Variants in IKZF1 observed in about 807,000 individuals in gnomAD.
The protein encoded by IKZF1 is IKAROS family zinc finger 1.
IKZF1 carries 10 observed loss-of-function variants against 51.7 expected under a neutral mutation model. That is an observed-to-expected ratio of 0.19 (90% CI 0.12 to 0.33). IKZF1 has a LOEUF of 0.33. IKZF1 is among the 10% of genes least tolerant of loss of function. IKZF1 has a pLI of 1.00. For missense variants in IKZF1, 484 were observed against 707.5 expected (o/e 0.68, Z 3.58); for synonymous variants, 280 against 282.3 (o/e 0.99, Z 0.08).
intron 3 of IKZF1, among the ~76,000 whole-genome samples, chr7:50,338,446 A>G (rs1000399114): frequency 7.2e-5 from 11 of 152,202 alleles, no homozygotes; most frequent in Non-Finnish European, 1.6e-4. Flanking sequence ...AGCTCTGTGT[A>G]TAAAACAACC....
At chr7:50,303,717 A>G (rs1005032577), upstream of IKZF1, among the ~76,000 whole-genome samples, 1 of 151,896 alleles carries the variant, frequency 6.6e-6, no homozygotes, top group Non-Finnish European at 1.5e-5. The surrounding 1 kb of genome is among the most constrained non-coding windows in gnomAD (Gnocchi z 4.7). Context: ...GCTCCCAGAC[A>G]CTGGGGAAAG....
chr7:50,383,949 C>G (rs970577046), intron 5 of IKZF1, among the ~76,000 whole-genome samples: 3 of 152,234 alleles, frequency 2.0e-5, no homozygotes, highest in African/African-American at 7.2e-5. Context: ...ACTGAGCACC[C>G]CTGGGTGCCC....
At chr7:50,312,734 A>G (rs1790502393) in intron 1 of IKZF1, among the ~76,000 whole-genome samples, 1 of 152,220 alleles carries the variant, frequency 6.6e-6, no homozygotes, top group Non-Finnish European at 1.5e-5. Flanking sequence ...GTTCCTGGCC[A>G]TAAAAATAAA....
intron 2 of IKZF1, 82 bp downstream of exon 2, chr7:50,319,183 C>T (rs1194480644): frequency 1.7e-6 from 2 of 1,165,452 alleles, no homozygotes; most frequent in East Asian, 2.4e-5. Flanking sequence ...TTGGTATGCT[C>T]ATGGGGGAGG....
At chr7:50,379,253 T>A (rs1028899815) in intron 4 of IKZF1, among the ~76,000 whole-genome samples, 4 of 152,186 alleles carry the variant, frequency 2.6e-5, no homozygotes, top group African/African-American at 9.7e-5. Context: ...GGGGCTTAGG[T>A]ACGACGGGAA....
chr7:50,309,484 A>G (rs1277079404), intron 1 of IKZF1, among the ~76,000 whole-genome samples: 1 of 150,648 alleles, frequency 6.6e-6, no homozygotes, highest in Non-Finnish European at 1.5e-5. Flanking sequence ...CTTTCTTTCT[A>G]TAATTGGTGG....
chr7:50,303,813 G>T (rs990091798), upstream of IKZF1, among the ~76,000 whole-genome samples: 2 of 151,034 alleles, frequency 1.3e-5, no homozygotes, highest in Non-Finnish European at 3.0e-5. This position sits in a 1 kb window ranked among gnomAD's most constrained non-coding sequence, Gnocchi z 4.7. Flanking sequence ...CCGGGTGCAG[G>T]GTGGCGGGCC....
chr7:50,375,876 ATTT>A (rs1251848032), intron 3 of IKZF1, among the ~76,000 whole-genome samples: 2 of 152,200 alleles, frequency 1.3e-5, no homozygotes, highest in Non-Finnish European at 2.9e-5. Context: ...TTTTTATGTT[ATTT>A]AAGATAAACA....
At chr7:50,361,527 A>G (rs1349454557) in intron 3 of IKZF1, among the ~76,000 whole-genome samples, 1 of 152,194 alleles carries the variant, frequency 6.6e-6, no homozygotes, top group Non-Finnish European at 1.5e-5. Flanking sequence ...GCAGCTGAGG[A>G]AATGCTCCAA....
intron 7 of IKZF1, 53 bp from the exon 8 acceptor site, chr7:50,399,865 T>C: frequency 6.4e-7 from 1 of 1,555,082 alleles, no homozygotes; most frequent in Non-Finnish European, 8.7e-7. Context: ...CTGCCAGACC[T>C]GACCGGTTCC....
chr7:50,361,493 C>A (rs1805219617), intron 3 of IKZF1, among the ~76,000 whole-genome samples: 1 of 152,188 alleles, frequency 6.6e-6, no homozygotes, highest in African/African-American at 2.4e-5. Flanking sequence ...CGGAAGTTGG[C>A]TGACATGAAA....
intron 7 of IKZF1, among the ~76,000 whole-genome samples, chr7:50,393,348 T>C (rs1474167689): frequency 6.6e-6 from 1 of 151,750 alleles, no homozygotes; most frequent in East Asian, 1.9e-4. Context: ...CATGGGGAAA[T>C]TGTGGTGGGA....
At chr7:50,370,515 C>G (rs1236625845) in intron 3 of IKZF1, among the ~76,000 whole-genome samples, 1 of 152,198 alleles carries the variant, frequency 6.6e-6, no homozygotes. Context: ...TGGGGTCTCT[C>G]TTAGTACTGT....
intron 3 of IKZF1, among the ~76,000 whole-genome samples, chr7:50,359,022 G>A (rs768481627): frequency 6.6e-6 from 1 of 152,210 alleles, no homozygotes; most frequent in Non-Finnish European, 1.5e-5. Context: ...CACTTTGAGA[G>A]ACTGAGGTGG....
intron 7 of IKZF1, among the ~76,000 whole-genome samples, chr7:50,399,490 T>A (rs1217158717): frequency 6.6e-6 from 1 of 151,822 alleles, no homozygotes; most frequent in Admixed American, 6.6e-5. Context: ...TCTATTTTAA[T>A]TCAATAAATG....
intron 1 of IKZF1, among the ~76,000 whole-genome samples, chr7:50,316,261 A>G (rs1791507184): frequency 6.6e-6 from 1 of 152,140 alleles, no homozygotes; most frequent in Non-Finnish European, 1.5e-5. Flanking sequence ...AATTTTGGTG[A>G]ACATCACCCC....
At chr7:50,368,539 G>A (rs1807685823) in intron 3 of IKZF1, 4 of 572,420 alleles carry the variant, frequency 7.0e-6, no homozygotes, top group Non-Finnish European at 1.2e-5. Flanking sequence ...GAAAATTGCA[G>A]GCCTCCAGGC....
At chr7:50,349,213 T>C (rs968247811) in intron 3 of IKZF1, among the ~76,000 whole-genome samples, 3 of 152,206 alleles carry the variant, frequency 2.0e-5, no homozygotes, top group African/African-American at 7.2e-5. Context: ...AATAACATAC[T>C]GAGACATGTT....
At chr7:50,303,646 C>A (rs13308184), upstream of IKZF1, among the ~76,000 whole-genome samples, 154 of 152,178 alleles carry the variant, frequency 1.0e-3, no homozygotes, top group Middle Eastern at 0.01. The surrounding 1 kb of genome is among the most constrained non-coding windows in gnomAD (Gnocchi z 4.7). Flanking sequence ...GGGGCCGGAG[C>A]CTGAACCCGG....
Sources: allele counts gnomAD v4.1 joint callset (sites outside exome capture counted in the v4.1 genomes callset), GRCh38; gene constraint gnomAD v4.1.1; non-coding constraint Gnocchi (gnomAD v3.1); transcripts MANE v1.5; gene names NCBI Gene and HGNC (gene_info 2026-07-23, HGNC 2026-07-21).